Variants in SLIT3 observed in about 807,000 individuals in gnomAD.
The protein encoded by SLIT3 is slit guidance ligand 3, also known as slit homolog 3 protein.
Under a neutral mutation model 184.0 loss-of-function variants are expected in SLIT3, and 68 were observed. The observed-to-expected ratio is 0.37, with a 90% confidence interval of 0.30 to 0.45. The LOEUF (loss-of-function observed/expected upper bound fraction) is 0.45. Ranked by LOEUF, SLIT3 falls within the 20% of genes least tolerant of loss-of-function variation. The pLI is 1.00. For missense variants in SLIT3, 1,707 were observed against 2,026.0 expected, an observed-to-expected ratio of 0.84 and a Z score of 3.02; for synonymous variants, 831 against 828.6, an observed-to-expected ratio of 1.00 and a Z score of -0.05.
chr5:169,103,949 C>A (rs1421182731), intron 4 of SLIT3, among the ~76,000 whole-genome samples: 1 of 152,336 alleles, frequency 6.6e-6, no homozygotes, highest in Non-Finnish European at 1.5e-5. Context: ...GGAGTTTCCT[C>A]CAGACCCGTC....
chr5:168,923,166 G>A (rs192406005), intron 4 of SLIT3, among the ~76,000 whole-genome samples: 4 of 152,256 alleles, frequency 2.6e-5, no homozygotes, highest in Admixed American at 2.0e-4. Context: ...GAAATGCCTT[G>A]ATTGAGAATG....
At chr5:169,166,904 G>C (rs544287845) in intron 4 of SLIT3, among the ~76,000 whole-genome samples, 1 of 152,130 alleles carries the variant, frequency 6.6e-6, no homozygotes, top group East Asian at 1.9e-4. Context: ...GGCGGCTCAC[G>C]CCTGTAATCC....
chr5:168,796,750 C>T (rs1001075130), intron 9 of SLIT3, among the ~76,000 whole-genome samples: 4 of 152,164 alleles, frequency 2.6e-5, no homozygotes, highest in African/African-American at 9.7e-5. Flanking sequence ...ATTTGTGCCT[C>T]TGTGATCTCA....
chr5:168,992,795 C>A (rs180975210), intron 4 of SLIT3, among the ~76,000 whole-genome samples: 1 of 152,196 alleles, frequency 6.6e-6, no homozygotes, highest in Non-Finnish European at 1.5e-5. Flanking sequence ...ATTTTCCAGT[C>A]GCTGCCTCCA....
intron 8 of SLIT3, among the ~76,000 whole-genome samples, chr5:168,810,949 C>T (rs918788809): frequency 1.1e-4 from 16 of 152,094 alleles, no homozygotes; most frequent in Admixed American, 9.8e-4. Context: ...TTGTATAACT[C>T]CCCCTGAAGT....
chr5:168,789,757 A>G, intron 10 of SLIT3, 126 bp from the exon 11 acceptor site: 1 of 719,782 alleles, frequency 1.4e-6, no homozygotes, highest in Non-Finnish European at 2.4e-6. Context: ...CAAGCAATTC[A>G]TTTACTCATA....
rs536121964 is a variant in SLIT3 at position 169,152,271 on chromosome 5, G to C, written c.413+41208C>G. On this transcript the variant is annotated intron_variant, in intron 4 of 35. Coordinates refer to ENST00000519560, the MANE Select transcript of SLIT3 (RefSeq NM_003062.4). ...ATGTGCATTTCTCACAAAGAAGAAA[G>C]AGAAAGTCAACAACTGAAATGGTCA... 5.3e-5 allele frequency among the ~76,000 whole-genome samples: 8 copies of C among 152,302 alleles called. No individual in the cohort carries two copies. In the South Asian group the frequency reaches 1.2e-3, roughly 24 times the overall value.
At chr5:168,945,997 C>T (rs937705145) in intron 4 of SLIT3, among the ~76,000 whole-genome samples, 2 of 152,176 alleles carry the variant, frequency 1.3e-5, no homozygotes, top group Non-Finnish European at 1.5e-5. Flanking sequence ...CAATAATAGC[C>T]GCACTCTATG....
intron 5 of SLIT3, among the ~76,000 whole-genome samples, chr5:168,865,773 G>T (rs547521415): frequency 6.6e-6 from 1 of 152,144 alleles, no homozygotes; most frequent in Non-Finnish European, 1.5e-5. Flanking sequence ...GCTATCATTT[G>T]GTTTATGTCC....
rs533112863 is a variant in SLIT3, at chr5:168,711,892, A to C, written c.2555+391T>G. Among the ~76,000 whole-genome samples, 8 of 152,348 alleles carry C rather than the reference A, an allele frequency of 5.3e-5. No individual in the cohort carries two copies. The East Asian group carries it at 1.5e-3, about 29-fold the overall frequency. On this transcript the variant is annotated intron_variant, in intron 24 of 35. Coordinates refer to ENST00000519560, the MANE Select transcript of SLIT3 (RefSeq NM_003062.4). ...AAGTGGTTAAGAATATGTGCTTTGGAGTCAAGGCAAACCTAGATCTGATCC... is the reference window on the plus strand; with the variant it reads ...AAGTGGTTAAGAATATGTGCTTTGGCGTCAAGGCAAACCTAGATCTGATCC...
At chr5:169,285,499 A>C (rs912565846) in intron 1 of SLIT3, among the ~76,000 whole-genome samples, 14 of 152,178 alleles carry the variant, frequency 9.2e-5, no homozygotes, top group Non-Finnish European at 1.5e-4. Flanking sequence ...GACTTCTTAC[A>C]TGGAGAGATG....
intron 4 of SLIT3, among the ~76,000 whole-genome samples, chr5:169,120,605 G>C (rs1760841022): frequency 6.6e-6 from 1 of 152,198 alleles, no homozygotes; most frequent in Non-Finnish European, 1.5e-5. Context: ...AACTGTAAGA[G>C]ACTCAGTTTG....
In SLIT3 at chr5:168,789,922, G is replaced by A. The variant is rs1581085108; in HGVS notation, c.1008-291C>T. ...GAACACGTGAACCATCACTTTGTAG[G>A]TGGAAAATTGAGCCCAGTCAAATTA... On this transcript the variant is annotated intron_variant, in intron 10 of 35. Transcript: ENST00000519560. The A allele has an allele frequency of 3.7e-5, 13 of 347,564 alleles. No homozygotes were observed. In the East Asian group the frequency reaches 6.0e-4, roughly 16 times the overall value. The allele number at this position is 347,564 out of a possible 1,614,324, so 21.5% of individuals were successfully genotyped here.
intron 4 of SLIT3, among the ~76,000 whole-genome samples, chr5:169,100,473 T>G (rs1311357435): frequency 6.6e-6 from 1 of 152,090 alleles, no homozygotes; most frequent in Non-Finnish European, 1.5e-5. Flanking sequence ...GCTTTGTAAA[T>G]GAAAGCAGGT....
intron 4 of SLIT3, among the ~76,000 whole-genome samples, chr5:169,141,827 G>A (rs1761752443): frequency 6.7e-6 from 1 of 149,850 alleles, no homozygotes; most frequent in African/African-American, 2.5e-5. Context: ...CGAGGCAGAT[G>A]GATCACAAGG....
chr5:169,124,060 A>G (rs538361243), intron 4 of SLIT3, among the ~76,000 whole-genome samples: 10 of 152,304 alleles, frequency 6.6e-5, no homozygotes, highest in African/African-American at 2.4e-4. Context: ...CATCCACTTA[A>G]CAGTCCTGAT....
intron 2 of SLIT3, among the ~76,000 whole-genome samples, chr5:169,246,280 T>C (rs1180440134): frequency 6.6e-6 from 1 of 152,188 alleles, no homozygotes; most frequent in Non-Finnish European, 1.5e-5. Context: ...ACATTTCTAT[T>C]ACTTCTGGCC....
At chr5:168,717,541 T>A (rs1264251359) in intron 23 of SLIT3, among the ~76,000 whole-genome samples, 1 of 152,222 alleles carries the variant, frequency 6.6e-6, no homozygotes, top group African/African-American at 2.4e-5. Flanking sequence ...TGTGTCTCAT[T>A]CACTGTTTGC....
chr5:168,879,770 T>C (rs1759881856), intron 5 of SLIT3, among the ~76,000 whole-genome samples: 1 of 152,152 alleles, frequency 6.6e-6, no homozygotes, highest in Admixed American at 6.5e-5. Context: ...TTGACATCAC[T>C]TCACACCCAA....
Sources: allele counts gnomAD v4.1 joint callset (sites outside exome capture counted in the v4.1 genomes callset), GRCh38; gene constraint gnomAD v4.1.1; transcripts MANE v1.5; gene names NCBI Gene and HGNC (gene_info 2026-07-23, HGNC 2026-07-21).